Variants in IPO8 observed in about 807,000 individuals in gnomAD.
IPO8 encodes the protein importin-8.
Under a neutral mutation model 141.2 loss-of-function variants are expected in IPO8, and 65 were observed. The observed-to-expected ratio is 0.46, with a 90% CI of 0.38 to 0.57. IPO8 has a LOEUF of 0.57. IPO8 is among the 20% of genes least tolerant of loss of function. The pLI is 0.00. For synonymous variants in IPO8, 411 were observed against 420.3 expected (o/e 0.98, Z 0.27); for missense variants, 980 against 1,246.8 (o/e 0.79, Z 3.22).
chr12:30,687,161 T>G (rs190224602), intron 2 of IPO8, among the ~76,000 whole-genome samples: 233 of 152,312 alleles, frequency 1.5e-3, no homozygotes, highest in African/African-American at 5.1e-3. Context: ...AAGGAAATAT[T>G]AAATTTACTG....
intron 10 of IPO8, among the ~76,000 whole-genome samples, chr12:30,666,671 A>C (rs560172217): frequency 5.3e-5 from 8 of 152,208 alleles, no homozygotes; most frequent in Non-Finnish European, 8.8e-5. Flanking sequence ...CACATTATAC[A>C]TATATACACA....
chr12:30,662,118 A>C (rs2052895861), intron 15 of IPO8, among the ~76,000 whole-genome samples: 1 of 152,204 alleles, frequency 6.6e-6, no homozygotes, highest in Non-Finnish European at 1.5e-5. Flanking sequence ...GACACAATGG[A>C]ATTATTTGTA....
chr12:30,680,414 T>C (rs756077752), intron 5 of IPO8, 68 bp downstream of exon 5: 47 of 1,217,684 alleles, frequency 3.9e-5, no homozygotes, highest in Non-Finnish European at 4.9e-5. Flanking sequence ...GTGACACTTA[T>C]TGAGCACTTT....
chr12:30,691,867 T>C (rs1182084344), intron 1 of IPO8, among the ~76,000 whole-genome samples: 1 of 152,260 alleles, frequency 6.6e-6, no homozygotes, highest in Non-Finnish European at 1.5e-5. Flanking sequence ...CCAATCTTTC[T>C]ATATCCTTCA....
At chr12:30,649,089 A>G in intron 20 of IPO8, 48 bp downstream of exon 20, 1 of 1,229,738 alleles carries the variant, frequency 8.1e-7, no homozygotes, top group Non-Finnish European at 1.2e-6. Flanking sequence ...CAGGCATGTA[A>G]ACTTCAAATG....
rs1195322278 is a variant in IPO8, at chr12:30,695,299, T to A, written c.84+265A>T. Among the ~76,000 whole-genome samples, 1 of 152,208 alleles carries A rather than the reference T, an allele frequency of 6.6e-6. No homozygotes were observed. The highest frequency in any genetic ancestry group is 1.5e-5 in the Non-Finnish European group (1 of 68,036). ...CAAAAACTGCTTCTTGCGGACCAAGTAGGCAGAACAAACTGCCCTGGAGAA... is the reference window on the plus strand; with the variant it reads ...CAAAAACTGCTTCTTGCGGACCAAGAAGGCAGAACAAACTGCCCTGGAGAA... On this transcript the variant is annotated intron_variant, in intron 1 of 24. Coordinates refer to ENST00000256079, the MANE Select transcript of IPO8 (RefSeq NM_006390.4). This position sits in a 1 kb window ranked among gnomAD's most constrained non-coding sequence, Gnocchi z 4.2.
chr12:30,632,834 A>G (rs1362105229), intron 23 of IPO8, among the ~76,000 whole-genome samples: 1 of 152,198 alleles, frequency 6.6e-6, no homozygotes, highest in Non-Finnish European at 1.5e-5. Context: ...CGCTATTCCA[A>G]TGGGCAATGG....
At chr12:30,665,359 A>G (rs768528826) in intron 12 of IPO8, 50 bp from the exon 13 acceptor site, 1 of 1,019,376 alleles carries the variant, frequency 9.8e-7, no homozygotes, top group South Asian at 1.3e-5. Context: ...ATACGTAAGA[A>G]TCACTTCCTA....
chr12:30,678,112 G>A (rs1259531082), intron 5 of IPO8, among the ~76,000 whole-genome samples: 1 of 144,318 alleles, frequency 6.9e-6, no homozygotes, highest in Non-Finnish European at 1.5e-5. Context: ...GCGACAGAGG[G>A]AGACTCCATC....
Position 30,639,678 on chromosome 12 carries a change from T to C in IPO8, c.2326A>G (p.Ser776Gly). 1 of 1,614,148 alleles carries C rather than the reference T, an allele frequency of 6.2e-7. No homozygotes were observed. The highest frequency in any genetic ancestry group is 8.5e-7 in the Non-Finnish European group (1 of 1,180,024). ...TGAAGACACATAGTACGAAGCTCAC[T>C]AGTTTTGACCCCTCGAGTTAATCTC... Reference protein sequence around the residue: ...LERLTRGVKTSELRTMCLQVA... With the variant: ...LERLTRGVKTGELRTMCLQVA... The change falls in exon 21 of 25, where the codon AGT becomes GGT. Residue 776 changes from serine (S) to glycine (G), a missense_variant. Around this residue, in one of 3 missense-constraint regions of IPO8, gnomAD observed 924 missense variants for 1,153.9 expected, o/e 0.80. Transcript: ENST00000256079.
chr12:30,678,550 G>A (rs1361555205), intron 5 of IPO8, among the ~76,000 whole-genome samples: 3 of 152,102 alleles, frequency 2.0e-5, no homozygotes, highest in African/African-American at 7.2e-5. Context: ...TTCACAGAGG[G>A]ACAAAAATTA....
At position 30,665,751 on chromosome 12, in the gene IPO8, G is replaced by A. The variant is rs1191683779; in HGVS notation, c.1316C>T (p.Ser439Phe). 6.2e-7 allele frequency: 1 copy of A among 1,610,262 alleles called. No homozygotes were observed. Among genetic ancestry groups the A allele is most frequent in the Non-Finnish European group, 8.5e-7 (1 of 1,176,748 alleles). ...AACCTTCAGTAAAATCTCAGCTAGG[G>A]AACCAATCACATGCAGGGCTCCATC... The part of the protein sequence containing the change: ...KKDGALHVIG[S>F]LAEILLKKSL... Residue 439 changes from serine to phenylalanine, a missense_variant, in exon 12 of 25, where the codon TCC becomes TTC. This residue lies in a region of IPO8 where 924 missense variants were observed against 1,153.9 expected (regional missense o/e 0.80). Coordinates refer to ENST00000256079, the MANE Select transcript of IPO8 (RefSeq NM_006390.4).
rs1313249491 is a variant in IPO8, at chr12:30,695,483, G to A, written c.84+81C>T. 1 of 1,260,610 alleles carries A rather than the reference G, an allele frequency of 7.9e-7. No homozygotes were observed. The highest frequency in any genetic ancestry group is 1.1e-6 in the Non-Finnish European group (1 of 869,786). The allele number at this position is 1,260,610 out of a possible 1,614,324, so 78.1% of individuals were successfully genotyped here. On this transcript the variant is annotated intron_variant, in intron 1 of 24. Transcript: ENST00000256079. This position sits in a 1 kb window ranked among gnomAD's most constrained non-coding sequence, Gnocchi z 4.2. ...CCAGCCCGGTGGGGGTGAGGACGAGGGGCGCCGGGGAGAGGGAGCCCGGCC... is the reference window on the plus strand; with the variant it reads ...CCAGCCCGGTGGGGGTGAGGACGAGAGGCGCCGGGGAGAGGGAGCCCGGCC...
intron 16 of IPO8, among the ~76,000 whole-genome samples, chr12:30,657,008 A>G (rs1708833448): frequency 6.6e-6 from 1 of 152,126 alleles, no homozygotes. Flanking sequence ...CTAATAGATA[A>G]AAGATTTCAG....
At chr12:30,632,391 A>C (rs2136121664) in intron 23 of IPO8, among the ~76,000 whole-genome samples, 1 of 152,298 alleles carries the variant, frequency 6.6e-6, no homozygotes, top group South Asian at 2.1e-4. Flanking sequence ...AAGGATTCAA[A>C]TCTGTACCTC....
At chr12:30,669,766 C>CAA (rs11405735) in intron 9 of IPO8, among the ~76,000 whole-genome samples, 79,622 of 147,262 alleles carry the variant, frequency 0.54, 21,548 homozygotes, top group African/African-American at 0.64. Flanking sequence ...ACTCCAGCTC[C>CAA]AAAAAAAAAA....
chr12:30,633,750 C>T (rs2052464630), intron 23 of IPO8, among the ~76,000 whole-genome samples: 3 of 152,178 alleles, frequency 2.0e-5, no homozygotes, highest in Admixed American at 2.0e-4. Context: ...GCCTGAAACA[C>T]TTCATTCTTT....
At position 30,630,937 on chromosome 12, in the gene IPO8, G is replaced by A. The variant is rs1465386301; in HGVS notation, c.3037C>T (p.Gln1013Ter). The A allele has an allele frequency of 3.7e-6, 6 of 1,613,176 alleles. No individual in the cohort carries two copies. The highest frequency in any genetic ancestry group is 5.1e-6 in the Non-Finnish European group (6 of 1,179,838). Residue 1013 changes from glutamine (Q) to a stop codon, truncating the protein, a stop_gained, in exon 25 of 25, where the codon CAA (glutamine) becomes TAA (stop). Transcript: ENST00000256079. LOFTEE classifies it high-confidence loss of function. ...TTTTCAAAGGTGAAGCCTCCCTGTT[G>A]TTCAATCTTCTTCTTTGCCTCTAGC... is the stretch of plus-strand genomic sequence containing the variant. ...TVAEAKKKIE[Q>*]QGGFTFENKG...
Position 30,662,386 on chromosome 12 carries a change from T to C in IPO8, c.1696A>G (p.Met566Val), listed in dbSNP as rs753723260. The change falls in exon 15 of 25, where the codon ATG becomes GTG. Residue 566 changes from methionine to valine, a missense_variant. Coordinates refer to ENST00000256079, the MANE Select transcript of IPO8 (RefSeq NM_006390.4). ...ACCTCTTGACTGTATTCACATATCATCTTCTGGATGACATTAGTAACATCA... is the reference window on the plus strand; with the variant it reads ...ACCTCTTGACTGTATTCACATATCACCTTCTGGATGACATTAGTAACATCA... ...NDDVTNVIQK[M>V]ICEYSQEVAS... 2.5e-6 allele frequency: 4 copies of C among 1,613,774 alleles called. No homozygotes were observed. The highest frequency in any genetic ancestry group is 1.1e-5 in the South Asian group (1 of 91,072).
Sources: allele counts gnomAD v4.1 joint callset (sites outside exome capture counted in the v4.1 genomes callset), GRCh38; gene constraint gnomAD v4.1.1; regional missense constraint gnomAD v4.1.1; non-coding constraint Gnocchi (gnomAD v3.1); transcripts MANE v1.5; gene names NCBI Gene and HGNC (gene_info 2026-07-23, HGNC 2026-07-21).